The following ATP8A2 variants were observed in gnomAD, a reference collection of about 807,000 sequenced individuals.
ATP8A2 encodes the protein ATPase phospholipid transporting 8A2.
ATP8A2 carries 100 observed loss-of-function variants against 165.6 expected under a neutral mutation model. That is an observed-to-expected ratio of 0.60 (90% CI 0.51 to 0.71). The LOEUF is 0.71. Among genes scored for constraint, ATP8A2 ranks in the 30% least tolerant of loss-of-function variants. ATP8A2 has a pLI of 0.00. For synonymous variants in ATP8A2, 543 were observed against 548.8 expected (o/e 0.99, Z 0.15); for missense variants, 1,227 against 1,479.5 (o/e 0.83, Z 2.80).
intron 33 of ATP8A2, among the ~76,000 whole-genome samples, chr13:25,872,063 C>T (rs1939430584): frequency 7.5e-6 from 1 of 132,812 alleles, no homozygotes; most frequent in African/African-American, 2.8e-5. Context: ...CCCCCGCCCT[C>T]TTTCGGAATG....
At chr13:25,597,778 C>T (rs1321134952) in intron 24 of ATP8A2, among the ~76,000 whole-genome samples, 2 of 151,914 alleles carry the variant, frequency 1.3e-5, no homozygotes, top group Non-Finnish European at 2.9e-5. Context: ...TGGTATTCTA[C>T]GTTGCTAAAT....
intron 1 of ATP8A2, among the ~76,000 whole-genome samples, chr13:25,408,619 G>A (rs1020688151): frequency 2.0e-5 from 3 of 152,218 alleles, no homozygotes; most frequent in African/African-American, 7.2e-5. Context: ...GCAAAGTATT[G>A]TAGTAATGTC....
At chr13:25,835,010 G>T (rs963369853) in intron 28 of ATP8A2, among the ~76,000 whole-genome samples, 3 of 151,312 alleles carry the variant, frequency 2.0e-5, no homozygotes, top group Admixed American at 1.3e-4. Context: ...GTGTAGTATG[G>T]TATAGGCAGA....
chr13:25,961,651 T>G lies in ATP8A2; in HGVS notation c.3260T>G (p.Val1087Gly), dbSNP rs1470613178. Residue 1087 changes from valine to glycine, a missense_variant, in exon 34 of 37, where the codon GTG becomes GGG. Transcript: ENST00000381655. ...CCTACTGCCTGTTTGATTGAAGATG[T>G]GGCATGGAGAGCGTAAGTTTAACAG... Reference protein sequence around the residue: ...LVPTACLIEDVAWRAAKHTCK... With the variant: ...LVPTACLIEDGAWRAAKHTCK... The G allele has an allele frequency of 1.2e-6, 2 of 1,613,224 alleles. No homozygotes were observed. The highest frequency in any genetic ancestry group is 1.7e-6 in the Non-Finnish European group (2 of 1,179,286).
chr13:25,673,405 C>T (rs965542149), intron 24 of ATP8A2, among the ~76,000 whole-genome samples: 24 of 152,342 alleles, frequency 1.6e-4, no homozygotes, highest in Non-Finnish European at 1.8e-4. Context: ...AGCAGAGACT[C>T]TGACTTCTGT....
chr13:25,566,836 C>T (rs1358914719), intron 16 of ATP8A2, among the ~76,000 whole-genome samples: 1 of 152,194 alleles, frequency 6.6e-6, no homozygotes, highest in Non-Finnish European at 1.5e-5. Flanking sequence ...GATTCCTGTT[C>T]ACTGGGGAAG....
intron 24 of ATP8A2, among the ~76,000 whole-genome samples, chr13:25,610,184 T>G (rs1346019442): frequency 4.6e-5 from 7 of 152,180 alleles, no homozygotes; most frequent in Non-Finnish European, 1.0e-4. Context: ...TACAAAGTCT[T>G]TGCCTAAGGC....
chr13:25,408,074 T>TA (rs541770218), intron 1 of ATP8A2, among the ~76,000 whole-genome samples: 1,763 of 87,760 alleles, frequency 0.02, 32 homozygotes, highest in African/African-American at 0.062. Flanking sequence ...GAACTTAAAG[T>TA]AAAAAAATAT....
In ATP8A2 at chr13:25,917,573, G is replaced by A. The variant is rs575463265; in HGVS notation, c.3184-44002G>A. Among the ~76,000 whole-genome samples the A allele has an allele frequency of 5.3e-5, 8 of 152,264 alleles. No homozygotes were observed. The East Asian group carries it at 9.6e-4, about 18-fold the overall frequency. On this transcript the variant is annotated intron_variant, in intron 33 of 36. Coordinates refer to ENST00000381655, the MANE Select transcript of ATP8A2 (RefSeq NM_016529.6). ...GCTGCAAAGCTAGGCTATAGTCTTG[G>A]GCCTCATGGATTTCACACCTGCCCA...
chr13:25,674,210 C>A (rs980300673), intron 24 of ATP8A2, among the ~76,000 whole-genome samples: 8 of 152,072 alleles, frequency 5.3e-5, no homozygotes, highest in African/African-American at 9.7e-5. Context: ...CTAGTGTGAA[C>A]AAATTCATCC....
intron 33 of ATP8A2, among the ~76,000 whole-genome samples, chr13:25,956,044 T>C (rs1479550242): frequency 6.6e-6 from 1 of 152,196 alleles, no homozygotes; most frequent in East Asian, 1.9e-4. Flanking sequence ...TCTCACTAGA[T>C]GCAGAAAAGG....
In ATP8A2 at chr13:26,020,412, T is replaced by G. The variant is rs1957065167; in HGVS notation, c.*427T>G. 1 of 160,268 alleles carries G rather than the reference T, an allele frequency of 6.2e-6. No individual in the cohort carries two copies. The highest frequency in any genetic ancestry group is 1.8e-4 in the East Asian group (1 of 5,464). 9.9% of individuals were successfully genotyped at this position (160,268 alleles called of 1,614,324 possible). On this transcript the variant is annotated 3_prime_UTR_variant, in exon 37 of 37. Coordinates refer to ENST00000381655, the MANE Select transcript of ATP8A2 (RefSeq NM_016529.6). ...CTTCCTGTTGAGTTAACTCAGAGGT[T>G]AAGTCCAACGGGCCACATGCAGACT...
At chr13:25,736,233 G>A (rs576497736) in intron 25 of ATP8A2, among the ~76,000 whole-genome samples, 4 of 152,266 alleles carry the variant, frequency 2.6e-5, no homozygotes, top group Admixed American at 6.5e-5. Context: ...ATTATGTGAT[G>A]CGTGACTACA....
intron 1 of ATP8A2, among the ~76,000 whole-genome samples, chr13:25,385,250 G>C (rs1194169395): frequency 6.6e-6 from 1 of 152,218 alleles, no homozygotes; most frequent in Admixed American, 6.5e-5. Flanking sequence ...TTGTGCTGCA[G>C]TTTATGCTGA....
chr13:25,839,407 C>G (rs1457187341), intron 29 of ATP8A2, 139 bp from the exon 30 acceptor site: 2 of 491,260 alleles, frequency 4.1e-6, no homozygotes, highest in East Asian at 3.3e-5. Context: ...TTTTTTTTTT[C>G]AAATTCAAGA....
At chr13:25,817,350 TGG>T (rs71741165) in intron 27 of ATP8A2, among the ~76,000 whole-genome samples, 24,573 of 105,600 alleles carry the variant, frequency 0.23, 2,292 homozygotes, top group Admixed American at 0.31. Context: ...TGGTCTTTTA[TGG>T]GGGGGGGGGG....
chr13:25,769,226 A>C lies in ATP8A2; in HGVS notation c.2565A>C (p.Ala855=). Residue 855 remains alanine (A), a synonymous_variant, in exon 26 of 37, where the codon GCA becomes GCC. Coordinates refer to ENST00000381655, the MANE Select transcript of ATP8A2 (RefSeq NM_016529.6). The part of the protein sequence containing the change: ...QATNNSDYAI[A]QFSYLEKLLL... ...CCAACAACTCGGATTACGCCATCGC[A>C]CAGGTCAGCAGCTTGGGCGTCCAGC... 6.2e-7 allele frequency: 1 copy of C among 1,608,960 alleles called. No individual in the cohort carries two copies. The highest frequency in any genetic ancestry group is 2.2e-5 in the East Asian group (1 of 44,724).
intron 24 of ATP8A2, among the ~76,000 whole-genome samples, chr13:25,659,744 A>G (rs934236278): frequency 2.0e-5 from 3 of 152,216 alleles, no homozygotes; most frequent in Admixed American, 1.3e-4. Context: ...AGGCACTGCT[A>G]TCTGTCTTTG....
intron 15 of ATP8A2, among the ~76,000 whole-genome samples, chr13:25,563,409 CA>C (rs35264699): frequency 3.3e-5 from 5 of 149,768 alleles, no homozygotes; most frequent in East Asian, 2.0e-4. Flanking sequence ...AATTTCATCT[CA>C]AAAAAAAAAA....
Sources: gnomAD v4.1 joint callset for allele counts (sites outside exome capture counted in the v4.1 genomes callset) on GRCh38, gnomAD v4.1.1 for gene constraint, MANE v1.5 for transcripts, NCBI Gene and HGNC (gene_info 2026-07-23, HGNC 2026-07-21) for gene names.